NINL: variants seen among roughly 807,000 people sequenced by gnomAD.
The protein encoded by NINL is ninein like, also known as ninein-like protein.
A neutral mutation model predicts 160.3 loss-of-function variants in NINL; 153 were observed. That is an observed-to-expected ratio of 0.95 (90% confidence interval 0.84 to 1.09). NINL has a LOEUF of 1.09. NINL is among the 50% of genes least tolerant of loss of function. NINL has a pLI of 0.00. For missense variants in NINL, 1,829 were observed against 1,764.0 expected, an observed-to-expected ratio of 1.04 and a Z score of -0.66; for synonymous variants, 800 against 734.8, an observed-to-expected ratio of 1.09 and a Z score of -1.43.
chr20:25,578,655 T>C (rs928995021), intron 1 of NINL, among the ~76,000 whole-genome samples: 2 of 151,470 alleles, frequency 1.3e-5, no homozygotes, highest in African/African-American at 4.8e-5. Flanking sequence ...TAGCCGGGCA[T>C]GGTGGCGGGC....
chr20:25,555,680 A>T (rs2064856965), intron 1 of NINL, among the ~76,000 whole-genome samples: 1 of 152,016 alleles, frequency 6.6e-6, no homozygotes, highest in African/African-American at 2.4e-5. Flanking sequence ...AGCCTGGGCA[A>T]CACAGTGAGG....
chr20:25,554,418 G>C (rs781590897), intron 1 of NINL, among the ~76,000 whole-genome samples: 1 of 152,110 alleles, frequency 6.6e-6, no homozygotes, highest in African/African-American at 2.4e-5. Flanking sequence ...GCTCATGGAA[G>C]AGAACACAGT....
intron 1 of NINL, among the ~76,000 whole-genome samples, chr20:25,537,507 G>T (rs2064579856): frequency 6.6e-6 from 1 of 152,236 alleles, no homozygotes; most frequent in African/African-American, 2.4e-5. Context: ...GTGCTCCTGG[G>T]GAGGTGTGAA....
At position 25,517,824 on chromosome 20, in the gene NINL, C is replaced by A. The variant is rs751508331; in HGVS notation, c.206G>T (p.Gly69Val). ...ATTTGAAGACAACACAGCCACAAAA[C>A]CTTCCTTAAATTCCTCAAAGTTAAC... ...ARVNFEEFKE[G>V]FVAVLSSNAG... Residue 69 changes from glycine to valine, a missense_variant, in exon 3 of 24, where the codon GGT (glycine) becomes GTT (valine). By Grantham distance (109) the Gly-to-Val change is moderately radical. Transcript: ENST00000278886. 3 of 1,608,164 alleles carry A rather than the reference C, an allele frequency of 1.9e-6. No individual in the cohort carries two copies. The highest frequency in any genetic ancestry group is 2.5e-6 in the Non-Finnish European group (3 of 1,178,598).
chr20:25,488,524 T>C (rs971875737), intron 13 of NINL, among the ~76,000 whole-genome samples: 33 of 151,964 alleles, frequency 2.2e-4, no homozygotes, highest in African/African-American at 8.0e-4. Context: ...GCACCCGGCC[T>C]CCTTCACTCA....
intron 1 of NINL, among the ~76,000 whole-genome samples, chr20:25,534,912 T>C (rs1234090607): frequency 6.6e-6 from 1 of 152,206 alleles, no homozygotes; most frequent in Non-Finnish European, 1.5e-5. Flanking sequence ...TATACCATAT[T>C]GTTTAGGGAA....
At chr20:25,548,309 T>C (rs1260360872) in intron 1 of NINL, among the ~76,000 whole-genome samples, 1 of 152,212 alleles carries the variant, frequency 6.6e-6, no homozygotes, top group East Asian at 1.9e-4. Context: ...TCTCATTCTC[T>C]TGGGCCCAGC....
rs1333482124 is a variant in NINL, at chr20:25,479,015, G to A, written c.2109C>T (p.Gly703=). The change falls in exon 16 of 24, where the codon GGC becomes GGT. Residue 703 remains glycine (G), a synonymous_variant. Transcript: ENST00000278886. Reference sequence around the variant, plus strand: ...CCAGGCCCATCTGCTCAGGCTCGGGGCCGCGGGCTGTGTCCTGCAGCTGCT... The same window carrying A: ...CCAGGCCCATCTGCTCAGGCTCGGGACCGCGGGCTGTGTCCTGCAGCTGCT... ...LQEQLQDTAR[G]PEPEQMGLAP... is the part of the protein sequence containing the mutation. 18 of 1,608,994 alleles carry A rather than the reference G, an allele frequency of 1.1e-5. No individual in the cohort carries two copies. The highest frequency in any genetic ancestry group is 1.4e-5 in the Non-Finnish European group (17 of 1,179,918).
At chr20:25,538,003 G>A (rs1420162755) in intron 1 of NINL, among the ~76,000 whole-genome samples, 2 of 152,142 alleles carry the variant, frequency 1.3e-5, no homozygotes, top group Admixed American at 1.3e-4. Context: ...GGACCAACAC[G>A]GTGCCCTGCC....
chr20:25,482,890 G>T (rs1222488143), intron 13 of NINL, among the ~76,000 whole-genome samples: 5 of 151,858 alleles, frequency 3.3e-5, no homozygotes, highest in Middle Eastern at 3.4e-3. Context: ...CGGGCATGGT[G>T]GCATGCGCCT....
At chr20:25,494,651 C>G (rs374589351) in intron 10 of NINL, among the ~76,000 whole-genome samples, 2 of 152,250 alleles carry the variant, frequency 1.3e-5, no homozygotes, top group East Asian at 1.9e-4. Context: ...CCAGCCACCC[C>G]CTATGGACTG....
Position 25,520,538 on chromosome 20 carries a change from T to C in NINL, c.181-2689A>G, listed in dbSNP as rs550851754. 4.6e-5 allele frequency among the ~76,000 whole-genome samples: 7 copies of C among 152,350 alleles called. No homozygotes were observed. The East Asian group carries it at 9.6e-4, about 21-fold the overall frequency. On this transcript the variant is annotated intron_variant, in intron 2 of 23. Transcript: ENST00000278886. ...AAAATGTGAGCTCACTTTTGGCATA[T>C]AGTAGGGACTCAACAAATATTTATT... is the stretch of plus-strand genomic sequence containing the variant.
intron 5 of NINL, among the ~76,000 whole-genome samples, chr20:25,507,495 G>A (rs1413995525): frequency 3.9e-5 from 6 of 152,142 alleles, no homozygotes; most frequent in African/African-American, 1.4e-4. Flanking sequence ...TGTTCCTATG[G>A]TGAGCTATGT....
At chr20:25,561,353 G>A in intron 1 of NINL, among the ~76,000 whole-genome samples, 1 of 152,168 alleles carries the variant, frequency 6.6e-6, no homozygotes. Context: ...ATGGTGCCCA[G>A]GCTGGAGTGC....
In NINL at chr20:25,498,292, G is replaced by C; in HGVS notation, c.1087C>G (p.Leu363Val). ...KVNLLELTWA[L>V]DNELMTVDSA... ...TCCACTGTCATGAGCTCGTTGTCAA[G>C]GGCCCAGGTCAGCTCCAGAAGGTTC... is the stretch of plus-strand genomic sequence containing the variant. The change falls in exon 9 of 24, where the codon CTT (leucine) becomes GTT (valine). Residue 363 changes from leucine (L) to valine (V), a missense_variant. Leu to Val is a conservative substitution (Grantham distance 32). Transcript: ENST00000278886. 2 of 1,613,398 alleles carry C rather than the reference G, an allele frequency of 1.2e-6. No individual in the cohort carries two copies. The highest frequency in any genetic ancestry group is 1.7e-5 in the Admixed American group (1 of 60,022).
chr20:25,537,897 G>C (rs2064588404), intron 1 of NINL, among the ~76,000 whole-genome samples: 1 of 152,122 alleles, frequency 6.6e-6, no homozygotes, highest in Non-Finnish European at 1.5e-5. Context: ...ACCTATACTT[G>C]CAGCCACACA....
chr20:25,493,606 T>G (rs1272502174), intron 10 of NINL, among the ~76,000 whole-genome samples: 1 of 152,136 alleles, frequency 6.6e-6, no homozygotes, highest in Non-Finnish European at 1.5e-5. Context: ...GAGAACGTCT[T>G]AAGCAACAAA....
In NINL at chr20:25,512,723, C is replaced by T. The variant is rs563087829; in HGVS notation, c.450+111G>A. On this transcript the variant is annotated intron_variant, in intron 4 of 23. Transcript: ENST00000278886. ...TTCTGGCGACTCAGGGTGCCTGAGACGGTGGCTGCCCTCCCCATATCTTGT... is the reference window on the plus strand; with the variant it reads ...TTCTGGCGACTCAGGGTGCCTGAGATGGTGGCTGCCCTCCCCATATCTTGT... The T allele has an allele frequency of 7.5e-4, 1,020 of 1,360,002 alleles. 1 individual carries two copies. Among genetic ancestry groups the T allele is most frequent in the Non-Finnish European group, 9.7e-4 (973 of 1,008,256 alleles). 84.2% of individuals were successfully genotyped at this position (1,360,002 alleles called of 1,614,324 possible).
chr20:25,523,368 C>T (rs1323269018), intron 2 of NINL, among the ~76,000 whole-genome samples: 1 of 151,936 alleles, frequency 6.6e-6, no homozygotes, highest in Non-Finnish European at 1.5e-5. Context: ...CCTCCCAGCT[C>T]AGCCTCACAA....
Sources: gnomAD v4.1 joint callset for allele counts (sites outside exome capture counted in the v4.1 genomes callset) on GRCh38, gnomAD v4.1.1 for gene constraint, MANE v1.5 for transcripts, NCBI Gene and HGNC (gene_info 2026-07-23, HGNC 2026-07-21) for gene names.